Variants in FRYL observed in about 807,000 individuals in gnomAD.
The protein encoded by FRYL is protein furry homolog-like.
Under a neutral mutation model 351.2 loss-of-function variants are expected in FRYL, and 150 were observed. That is an observed-to-expected ratio of 0.43 (90% CI 0.37 to 0.49). The LOEUF (loss-of-function observed/expected upper bound fraction) is 0.49, where lower values mean the gene tolerates loss of function less well. Among genes scored for constraint, FRYL ranks in the 20% least tolerant of loss-of-function variants. FRYL has a pLI of 0.00. For missense variants in FRYL, 3,036 were observed against 3,619.3 expected (o/e 0.84, Z 4.13); for synonymous variants, 1,153 against 1,257.1 (o/e 0.92, Z 1.75).
At position 48,608,963 on chromosome 4, in the gene FRYL, AAATGGGTGATT is replaced by A; in HGVS notation, c.572+13_572+23del. The A allele has an allele frequency of 6.8e-7, 1 of 1,464,014 alleles. No individual in the cohort carries two copies. The highest frequency in any genetic ancestry group is 9.6e-7 in the Non-Finnish European group (1 of 1,044,176). 90.7% of individuals were successfully genotyped at this position (1,464,014 alleles called of 1,614,324 possible). On this transcript the variant is annotated intron_variant, in intron 9 of 63. Coordinates refer to ENST00000358350, the MANE Select transcript of FRYL (RefSeq NM_015030.2). ...GCATTCTAAAATGCAAAGAAAATCT[AAATGGGTGATT>A]TACAAAACTTACTTTGATTGGGCAA...
Position 48,779,659 on chromosome 4 carries a change from C to T in FRYL, c.-384+419G>A, listed in dbSNP as rs1004284436. On this transcript the variant is annotated intron_variant, in intron 1 of 63. Transcript: ENST00000358350. ...CACCGCCTTCCTTCCCGCGGGGCGG[C>T]TCCCGCGAGTCGGTGGCGAGGCGGC... Among the ~76,000 whole-genome samples, 11 of 151,966 alleles carry T rather than the reference C, an allele frequency of 7.2e-5. No homozygotes were observed. In the East Asian group the frequency reaches 1.9e-3, roughly 27 times the overall value.
intron 2 of FRYL, among the ~76,000 whole-genome samples, chr4:48,687,516 A>T (rs867967475): frequency 6.4e-5 from 3 of 46,554 alleles, no homozygotes; most frequent in Non-Finnish European, 7.9e-5. Flanking sequence ...GTGAGGGGGG[A>T]GGGGGGCGGA....
At chr4:48,506,375 A>G (rs1050611348) in intron 59 of FRYL, 17 of 151,948 alleles carry the variant, frequency 1.1e-4, no homozygotes, top group African/African-American at 4.1e-4. Context: ...CTCTAAAAAC[A>G]TAAAATAAAA....
At chr4:48,673,043 T>TG (rs1293565441) in intron 3 of FRYL, among the ~76,000 whole-genome samples, 4 of 152,210 alleles carry the variant, frequency 2.6e-5, no homozygotes, top group African/African-American at 9.7e-5. Context: ...TCCCTGCTAG[T>TG]GAGCTGTGCT....
chr4:48,527,787 TTAAC>T (rs1726590402), intron 52 of FRYL, 134 bp from the exon 53 acceptor site: 1 of 1,051,582 alleles, frequency 9.5e-7, no homozygotes, highest in African/African-American at 1.6e-5. Context: ...GTCTTCATGT[TTAAC>T]TAGTTGAACA....
At chr4:48,736,644 G>A (rs1217621572) in intron 1 of FRYL, among the ~76,000 whole-genome samples, 1 of 151,786 alleles carries the variant, frequency 6.6e-6, no homozygotes, top group East Asian at 1.9e-4. Flanking sequence ...GAGGTCAAGA[G>A]TTCAAGACCA....
At chr4:48,608,327 T>C (rs911079845) in intron 9 of FRYL, among the ~76,000 whole-genome samples, 1 of 152,184 alleles carries the variant, frequency 6.6e-6, no homozygotes, top group Non-Finnish European at 1.5e-5. Flanking sequence ...AAAGACTCTT[T>C]CAAACACATC....
At chr4:48,559,767 C>A (rs564187628) in intron 33 of FRYL, among the ~76,000 whole-genome samples, 4 of 151,682 alleles carry the variant, frequency 2.6e-5, no homozygotes, top group Non-Finnish European at 5.9e-5. Context: ...AGGCAAGAAT[C>A]TACCAAAAGA....
chr4:48,564,004 G>A lies in FRYL; in HGVS notation c.3540C>T (p.Gly1180=). Residue 1180 remains glycine, a synonymous_variant, in exon 31 of 64, where the codon GGC becomes GGT. Transcript: ENST00000358350. ...MYWAVDRCYT[G]SGRVAAGCFK... is the part of the protein sequence containing the mutation. The stretch of plus-strand genomic sequence containing the variant: ...AGCAGCCGGCCGCCACCCTCCCGGA[G>A]CCCGTGTAGCAGCGGTCCACAGCCC... 2 of 1,614,162 alleles carry A rather than the reference G, an allele frequency of 1.2e-6. No homozygotes were observed. The highest frequency in any genetic ancestry group is 1.7e-6 in the Non-Finnish European group (2 of 1,180,008).
intron 3 of FRYL, among the ~76,000 whole-genome samples, chr4:48,641,331 T>C (rs1178321253): frequency 3.3e-5 from 5 of 152,164 alleles, no homozygotes; most frequent in Non-Finnish European, 7.3e-5. Context: ...GTGAAAAGCA[T>C]ACCAGATGCT....
chr4:48,538,651 A>C (rs1729419768), intron 47 of FRYL, among the ~76,000 whole-genome samples: 1 of 151,964 alleles, frequency 6.6e-6, no homozygotes. Context: ...TTTAAAAAAA[A>C]TTGCTTACAT....
intron 44 of FRYL, among the ~76,000 whole-genome samples, chr4:48,542,454 T>C (rs546748792): frequency 2.0e-5 from 3 of 152,344 alleles, no homozygotes; most frequent in African/African-American, 7.2e-5. Context: ...TCTTGCTCTA[T>C]TGCCCAGGCT....
chr4:48,617,175 AG>A (rs1749654721), intron 7 of FRYL, among the ~76,000 whole-genome samples: 1 of 152,062 alleles, frequency 6.6e-6, no homozygotes, highest in South Asian at 2.1e-4. Context: ...AGAAGTAAGT[AG>A]AAAGGATACT....
At chr4:48,609,089 CAT>C (rs748965990) in intron 8 of FRYL, 22 bp from the exon 9 acceptor site, 43 of 1,410,466 alleles carry the variant, frequency 3.0e-5, no homozygotes, top group Non-Finnish European at 4.2e-5. Context: ...AAAGAACAAA[CAT>C]AACATTTCAT....
rs528032371 is a variant in FRYL at position 48,601,359 on chromosome 4, A to T, written c.1035+661T>A. 4.1e-4 allele frequency among the ~76,000 whole-genome samples: 63 copies of T among 152,350 alleles called. 1 individual carries two copies. In the South Asian group the frequency reaches 0.013, roughly 32 times the overall value. ...TGACATGCAGCTGAAGAATATTCCC[A>T]CACTGTCAGAATTGTGTTCCTACCC... On this transcript the variant is annotated intron_variant, in intron 13 of 63. Coordinates refer to ENST00000358350, the MANE Select transcript of FRYL (RefSeq NM_015030.2).
At chr4:48,573,670 C>A (rs1220749944) in intron 25 of FRYL, among the ~76,000 whole-genome samples, 2 of 152,144 alleles carry the variant, frequency 1.3e-5, no homozygotes, top group Non-Finnish European at 2.9e-5. Flanking sequence ...CTGCCTCAGC[C>A]TCCTGAGTAG....
At chr4:48,533,809 C>T (rs556884889) in intron 49 of FRYL, among the ~76,000 whole-genome samples, 1 of 152,304 alleles carries the variant, frequency 6.6e-6, no homozygotes, top group Non-Finnish European at 1.5e-5. Context: ...ATATCTGGCA[C>T]TTTTTATCAG....
At chr4:48,531,467 T>G in intron 49 of FRYL, 114 bp from the exon 50 acceptor site, 1 of 696,024 alleles carries the variant, frequency 1.4e-6, no homozygotes, top group East Asian at 2.8e-5. Flanking sequence ...GTAAAAATTA[T>G]TCATTTTGAA....
At position 48,499,542 on chromosome 4, in the gene FRYL, T is replaced by C; in HGVS notation, c.8922A>G (p.Glu2974=). ...AVIGSNLDMS[E]ANYKLMELNL... is the part of the protein sequence containing the mutation. ...TAAGTTCCATCAGTTTGTAGTTGGC[T>C]TCTGACATGTCCAGGTTAGAGCCTA... Residue 2974 remains glutamate, a synonymous_variant, in exon 64 of 64, where the codon GAA becomes GAG. Coordinates refer to ENST00000358350, the MANE Select transcript of FRYL (RefSeq NM_015030.2). The C allele has an allele frequency of 6.2e-7, 1 of 1,614,162 alleles. No homozygotes were observed. The highest frequency in any genetic ancestry group is 8.5e-7 in the Non-Finnish European group (1 of 1,180,002).
Sources: allele counts gnomAD v4.1 joint callset (sites outside exome capture counted in the v4.1 genomes callset), GRCh38; gene constraint gnomAD v4.1.1; transcripts MANE v1.5; gene names NCBI Gene and HGNC (gene_info 2026-07-23, HGNC 2026-07-21).